Variants in CXCL13 observed in about 807,000 individuals in gnomAD.
CXCL13 encodes C-X-C motif chemokine ligand 13, also known as C-X-C motif chemokine 13.
In CXCL13, 7 loss-of-function variants were observed where a neutral mutation model predicts 12.2. The ratio of observed to expected loss-of-function variants is 0.57; its 90% CI spans 0.33 to 1.07. The LOEUF (loss-of-function observed/expected upper bound fraction) is 1.07, where lower values mean the gene tolerates loss of function less well. CXCL13 is among the 50% of genes least tolerant of loss of function. The pLI is 0.04. For missense variants in CXCL13, 113 were observed against 127.4 expected, an observed-to-expected ratio of 0.89 and a Z score of 0.55; for synonymous variants, 47 against 42.4, an observed-to-expected ratio of 1.11 and a Z score of -0.42.
chr4:77,556,880 G>A (rs1371919973), intron 1 of CXCL13, among the ~76,000 whole-genome samples: 6 of 152,026 alleles, frequency 3.9e-5, no homozygotes, highest in South Asian at 2.1e-4. Flanking sequence ...TCAGCCAGGC[G>A]TGGGGGCACA....
At chr4:77,557,034 AAG>A (rs145165710) in intron 1 of CXCL13, among the ~76,000 whole-genome samples, 6 of 151,686 alleles carry the variant, frequency 4.0e-5, no homozygotes, top group Non-Finnish European at 8.8e-5. Context: ...TAAAAAATAA[AAG>A]AGAGAGAGAG....
chr4:77,605,825 C>T lies in CXCL13; in HGVS notation c.-41C>T. On this transcript the variant is annotated 5_prime_UTR_variant, in exon 1 of 4. Coordinates refer to ENST00000682537, the MANE Select transcript of CXCL13 (RefSeq NM_001371558.1). ...GTCTCTGGTACTGCAAACCCACAGC[C>T]TGGACTCAGAGCTCAAGTCTGAACT... 7.0e-7 allele frequency: 1 copy of T among 1,426,820 alleles called. No individual in the cohort carries two copies. The highest frequency in any genetic ancestry group is 9.7e-7 in the Non-Finnish European group (1 of 1,030,456). 88.4% of individuals were successfully genotyped at this position (1,426,820 alleles called of 1,614,324 possible).
chr4:77,597,408 C>A (rs1726790184), intron 1 of CXCL13, among the ~76,000 whole-genome samples: 1 of 151,934 alleles, frequency 6.6e-6, no homozygotes, highest in African/African-American at 2.4e-5. Context: ...AAAAAGATTT[C>A]CATTCTTTTG....
At chr4:77,561,257 A>G (rs1033003519) in intron 1 of CXCL13, among the ~76,000 whole-genome samples, 2 of 152,220 alleles carry the variant, frequency 1.3e-5, no homozygotes, top group African/African-American at 2.4e-5. Flanking sequence ...AGAAATGTAG[A>G]AAATTGTCCC....
At chr4:77,598,428 A>G (rs1278324013) in intron 1 of CXCL13, among the ~76,000 whole-genome samples, 11 of 152,190 alleles carry the variant, frequency 7.2e-5, no homozygotes. Context: ...GGAAGAGGGA[A>G]GGGGAAGTAT....
chr4:77,516,999 A>G (rs1724438753), intron 1 of CXCL13, among the ~76,000 whole-genome samples: 1 of 151,888 alleles, frequency 6.6e-6, no homozygotes, highest in Non-Finnish European at 1.5e-5. Flanking sequence ...AGATTCTGGT[A>G]TCTTGTGTCT....
intron 1 of CXCL13, among the ~76,000 whole-genome samples, chr4:77,527,062 G>T (rs1724784844): frequency 6.6e-6 from 1 of 152,156 alleles, no homozygotes; most frequent in African/African-American, 2.4e-5. Flanking sequence ...AATAGACAAT[G>T]CTCATATTAA....
rs1009579909 is a variant in CXCL13, at chr4:77,516,414, T to G, written c.-43+4626T>G. ...TTCCTCCTTGTACCTCTGGTAGAAT[T>G]CGGCTGTGAATCCATCTGGTCCTGG... On this transcript the variant is annotated intron_variant, in intron 1 of 4. Transcript: ENST00000286758. Among the ~76,000 whole-genome samples the G allele has an allele frequency of 1.8e-4, 27 of 152,342 alleles. No individual in the cohort carries two copies. The East Asian group carries it at 5.2e-3, about 29-fold the overall frequency.
chr4:77,609,615 T>C (rs927187979), intron 2 of CXCL13, among the ~76,000 whole-genome samples: 5 of 152,224 alleles, frequency 3.3e-5, no homozygotes, highest in Admixed American at 3.3e-4. Flanking sequence ...TGGCTGTTTG[T>C]CATTTTATAA....
At chr4:77,598,934 T>A (rs1726829628) in intron 1 of CXCL13, among the ~76,000 whole-genome samples, 4 of 152,064 alleles carry the variant, frequency 2.6e-5, no homozygotes, top group African/African-American at 9.7e-5. Flanking sequence ...TTAGCCTCCA[T>A]AGTAACTGGG....
chr4:77,583,810 T>A (rs1227967030), intron 1 of CXCL13, among the ~76,000 whole-genome samples: 1 of 152,220 alleles, frequency 6.6e-6, no homozygotes, highest in Admixed American at 6.5e-5. Flanking sequence ...CAATGAAGGA[T>A]AACCATCGAT....
At chr4:77,528,136 T>C (rs574547744) in intron 1 of CXCL13, among the ~76,000 whole-genome samples, 3 of 152,300 alleles carry the variant, frequency 2.0e-5, no homozygotes. Context: ...TGCATAGTAT[T>C]CCATGGTGTA....
intron 1 of CXCL13, among the ~76,000 whole-genome samples, chr4:77,550,848 C>A (rs922826085): frequency 6.6e-6 from 1 of 152,250 alleles, no homozygotes; most frequent in Admixed American, 6.5e-5. Flanking sequence ...TGAATTGAAT[C>A]TTTTATCATT....
At chr4:77,602,594 G>A (rs1180478526), upstream of CXCL13, among the ~76,000 whole-genome samples, 1 of 151,334 alleles carries the variant, frequency 6.6e-6, no homozygotes, top group African/African-American at 2.4e-5. Flanking sequence ...AAATTACCCA[G>A]TTATGCTTGG....
chr4:77,576,863 G>T (rs1726209959), intron 1 of CXCL13, among the ~76,000 whole-genome samples: 1 of 152,166 alleles, frequency 6.6e-6, no homozygotes, highest in Non-Finnish European at 1.5e-5. Flanking sequence ...ATCATGATTT[G>T]TTTTTAGCAG....
intron 1 of CXCL13, among the ~76,000 whole-genome samples, chr4:77,528,372 G>A (rs1254500018): frequency 6.6e-6 from 1 of 152,168 alleles, no homozygotes; most frequent in Non-Finnish European, 1.5e-5. Flanking sequence ...CACAATGGTT[G>A]AACTAGTTTA....
intron 1 of CXCL13, among the ~76,000 whole-genome samples, chr4:77,555,428 A>AT (rs200116184): frequency 6.6e-6 from 1 of 152,050 alleles, no homozygotes; most frequent in Admixed American, 6.5e-5. Flanking sequence ...AGTAGAAAAG[A>AT]TTTTTCATTA....
chr4:77,558,488 G>T (rs562424504), intron 1 of CXCL13, among the ~76,000 whole-genome samples: 1 of 152,304 alleles, frequency 6.6e-6, no homozygotes, highest in African/African-American at 2.4e-5. Context: ...AAGTAACTGG[G>T]ACTACAGGTG....
At chr4:77,551,044 G>A (rs1022056883) in intron 1 of CXCL13, among the ~76,000 whole-genome samples, 1 of 152,162 alleles carries the variant, frequency 6.6e-6, no homozygotes, top group East Asian at 1.9e-4. Flanking sequence ...ATCTCTTGAA[G>A]ACAGCAGACA....
Sources: allele counts gnomAD v4.1 joint callset (sites outside exome capture counted in the v4.1 genomes callset), GRCh38; gene constraint gnomAD v4.1.1; transcripts MANE v1.5; gene names NCBI Gene and HGNC (gene_info 2026-07-23, HGNC 2026-07-21).